The following CAMK1G variants were observed in gnomAD, a reference collection of about 807,000 sequenced individuals.
CAMK1G encodes calcium/calmodulin dependent protein kinase IG.
A neutral mutation model predicts 54.8 loss-of-function variants in CAMK1G; 27 were observed. The ratio of observed to expected loss-of-function variants is 0.49; its 90% CI spans 0.36 to 0.68. The LOEUF (loss-of-function observed/expected upper bound fraction) is 0.68. CAMK1G is among the 30% of genes least tolerant of loss of function. The probability of loss-of-function intolerance (pLI) is 0.00; values close to 1 mark genes in which losing one functional copy is unlikely to be tolerated. For missense variants in CAMK1G, 512 were observed against 591.0 expected, an observed-to-expected ratio of 0.87 and a Z score of 1.39; for synonymous variants, 238 against 224.9, an observed-to-expected ratio of 1.06 and a Z score of -0.52.
intron 6 of CAMK1G, 102 bp from the exon 7 acceptor site, chr1:209,607,756 A>G (rs1665686805): frequency 1.0e-5 from 9 of 881,470 alleles, no homozygotes; most frequent in Non-Finnish European, 1.4e-5. Flanking sequence ...CCACCATCCC[A>G]CAGTCTTCCC....
In CAMK1G at chr1:209,603,252, A is replaced by G; in HGVS notation, c.260A>G (p.Tyr87Cys). 1 of 1,614,152 alleles carries G rather than the reference A, an allele frequency of 6.2e-7. No homozygotes were observed. The highest frequency in any genetic ancestry group is 1.1e-5 in the South Asian group (1 of 91,082). The part of the protein sequence containing the change: ...HENIVTLEDI[Y>C]ESTTHYYLVM... ...AACATTGTGACCCTGGAGGACATCT[A>G]TGAGAGCACCACCCACTACTACCTG... is the stretch of plus-strand genomic sequence containing the variant. Residue 87 changes from tyrosine (Y) to cysteine (C), a missense_variant, in exon 4 of 13, where the codon TAT (tyrosine) becomes TGT (cysteine). This residue lies in a region of CAMK1G where 186 missense variants were observed against 231.5 expected (regional missense o/e 0.80). Transcript: ENST00000361322.
intron 3 of CAMK1G, among the ~76,000 whole-genome samples, chr1:209,602,038 A>G (rs1489511929): frequency 6.6e-6 from 1 of 152,214 alleles, no homozygotes; most frequent in Middle Eastern, 3.2e-3. Context: ...AGGCAGGCAC[A>G]GCATTGCTGC....
At chr1:209,609,965 C>T in intron 9 of CAMK1G, 36 bp downstream of exon 9, 1 of 1,527,976 alleles carries the variant, frequency 6.5e-7, no homozygotes, top group Non-Finnish European at 9.1e-7. Context: ...AGACCCCAGC[C>T]CTGTAGTTCC....
intron 1 of CAMK1G, among the ~76,000 whole-genome samples, chr1:209,589,023 G>T (rs1665178575): frequency 6.6e-6 from 1 of 152,152 alleles, no homozygotes; most frequent in South Asian, 2.1e-4. Context: ...AAATACAATT[G>T]AGCCGAAGCT....
At chr1:209,612,696 C>A in intron 11 of CAMK1G, 89 bp from the exon 12 acceptor site, 3 of 1,054,522 alleles carry the variant, frequency 2.8e-6, no homozygotes, top group Non-Finnish European at 4.4e-6. Flanking sequence ...GTGGATGCCA[C>A]AGGCACAGAG....
chr1:209,591,986 G>A (rs1384772738), intron 1 of CAMK1G, among the ~76,000 whole-genome samples: 1 of 152,142 alleles, frequency 6.6e-6, no homozygotes. Context: ...GACAGGTCTT[G>A]GGGCAAGGGG....
chr1:209,600,045 A>T lies in CAMK1G; in HGVS notation c.155A>T (p.Lys52Met), dbSNP rs1571779259. The change falls in exon 3 of 13, where the codon AAG (lysine) becomes ATG (methionine). Residue 52 changes from lysine (K) to methionine (M), a missense_variant. Coordinates refer to ENST00000361322, the MANE Select transcript of CAMK1G (RefSeq NM_020439.3). Reference sequence around the variant, plus strand: ...CTGACTGGGAAGCTCTTTGCTCTGAAGTGCATCAAGAAGTCACCTGCCTTC... The same window carrying T: ...CTGACTGGGAAGCTCTTTGCTCTGATGTGCATCAAGAAGTCACCTGCCTTC... Reference protein sequence around the residue: ...QRLTGKLFALKCIKKSPAFRD... With the variant: ...QRLTGKLFALMCIKKSPAFRD... The T allele has an allele frequency of 3.7e-6, 6 of 1,613,914 alleles. No individual in the cohort carries two copies. The highest frequency in any genetic ancestry group is 5.1e-6 in the Non-Finnish European group (6 of 1,179,908).
In CAMK1G at chr1:209,609,108, A is replaced by C. The variant is rs573839493; in HGVS notation, c.748+16A>C. ...TCTGAGTCAGGTAAGGCCAGTAGGCATGAAGGAGAGATAACAGGCTCAAGG... is the reference window on the plus strand; with the variant it reads ...TCTGAGTCAGGTAAGGCCAGTAGGCCTGAAGGAGAGATAACAGGCTCAAGG... On this transcript the variant is annotated intron_variant, in intron 8 of 12. Transcript: ENST00000361322. The C allele has an allele frequency of 6.2e-7, 1 of 1,614,084 alleles. No individual in the cohort carries two copies. The highest frequency in any genetic ancestry group is 2.2e-5 in the East Asian group (1 of 44,892).
In CAMK1G at chr1:209,609,186, C is replaced by T. The variant is rs544683975; in HGVS notation, c.748+94C>T. 3.0e-5 allele frequency: 44 copies of T among 1,480,994 alleles called. No individual in the cohort carries two copies. In the African/African-American group the frequency reaches 5.6e-4, roughly 19 times the overall value. The allele number at this position is 1,480,994 out of a possible 1,614,324, so 91.7% of individuals were successfully genotyped here. On this transcript the variant is annotated intron_variant, in intron 8 of 12. Transcript: ENST00000361322. Reference sequence around the variant, plus strand: ...ACAAAGGATGACAGTCCCGGCTCTTCAAAGTCCCTGGGGATCTTACAGAAC... The same window carrying T: ...ACAAAGGATGACAGTCCCGGCTCTTTAAAGTCCCTGGGGATCTTACAGAAC...
intron 5 of CAMK1G, among the ~76,000 whole-genome samples, chr1:209,606,038 C>A (rs1407899520): frequency 1.3e-5 from 2 of 152,194 alleles, no homozygotes; most frequent in East Asian, 3.9e-4. Context: ...AAGATTGGTT[C>A]TCTCAAAACA....
At chr1:209,612,678 A>G in intron 11 of CAMK1G, 107 bp from the exon 12 acceptor site, 1 of 847,410 alleles carries the variant, frequency 1.2e-6, no homozygotes. Context: ...TCATGAGGGG[A>G]GAGCTGAGTG....
Position 209,605,577 on chromosome 1 carries a change from G to T in CAMK1G, c.338G>T (p.Gly113Val). Residue 113 changes from glycine to valine, a missense_variant, in exon 5 of 13, where the codon GGT becomes GTT. Gly to Val is a moderately radical substitution (Grantham distance 109). Transcript: ENST00000361322. ...CTCTTTGACCGGATCCTGGAGCGGGGTGTCTACACAGAGAAGGATGCCAGT... is the reference window on the plus strand; with the variant it reads ...CTCTTTGACCGGATCCTGGAGCGGGTTGTCTACACAGAGAAGGATGCCAGT... ...GELFDRILER[G>V]VYTEKDASLV... The T allele has an allele frequency of 6.2e-7, 1 of 1,614,080 alleles. No individual in the cohort carries two copies. Among genetic ancestry groups the T allele is most frequent in the Non-Finnish European group, 8.5e-7 (1 of 1,179,982 alleles).
In CAMK1G at chr1:209,611,948, G is replaced by T; in HGVS notation, c.1072G>T (p.Ala358Ser). The T allele has an allele frequency of 6.2e-7, 1 of 1,614,232 alleles. No homozygotes were observed. The highest frequency in any genetic ancestry group is 1.1e-5 in the South Asian group (1 of 91,082). ...PSSPEITITE[A>S]PVLDHSVALP... is the part of the protein sequence containing the mutation. ...CTCCCCTGAGATCACCATCACCGAGGCACCTGTCCTGGACCACAGTGTAGC... is the reference window on the plus strand; with the variant it reads ...CTCCCCTGAGATCACCATCACCGAGTCACCTGTCCTGGACCACAGTGTAGC... The change falls in exon 11 of 13, where the codon GCA becomes TCA. Residue 358 changes from alanine to serine, a missense_variant. Coordinates refer to ENST00000361322, the MANE Select transcript of CAMK1G (RefSeq NM_020439.3).
intron 1 of CAMK1G, among the ~76,000 whole-genome samples, chr1:209,588,103 G>A (rs949704045): frequency 2.6e-5 from 4 of 152,216 alleles, no homozygotes; most frequent in African/African-American, 9.6e-5. Flanking sequence ...ATGCCCCAGA[G>A]TGATTCATGC....
intron 5 of CAMK1G, 73 bp from the exon 6 acceptor site, chr1:209,606,247 T>C (rs1665647132): frequency 6.4e-7 from 1 of 1,569,884 alleles, no homozygotes; most frequent in Admixed American, 1.8e-5. Context: ...TCCTGTGAAA[T>C]TTTGTATCAA....
At position 209,606,337 on chromosome 1, in the gene CAMK1G, C is replaced by T. The variant is rs776517584; in HGVS notation, c.453C>T (p.Tyr151=). ...HRDLKPENLL[Y]LTPEENSKIM... ...TCCTACAGCCCGAAAACCTGCTTTACCTTACCCCTGAAGAGAACTCTAAGA... is the reference window on the plus strand; with the variant it reads ...TCCTACAGCCCGAAAACCTGCTTTATCTTACCCCTGAAGAGAACTCTAAGA... The change falls in exon 6 of 13, where the codon TAC becomes TAT. Residue 151 remains tyrosine (Y), a synonymous_variant. Transcript: ENST00000361322. 6.2e-7 allele frequency: 1 copy of T among 1,613,914 alleles called. No homozygotes were observed. Among genetic ancestry groups the T allele is most frequent in the Non-Finnish European group, 8.5e-7 (1 of 1,179,930 alleles).
chr1:209,593,758 A>G, intron 1 of CAMK1G, among the ~76,000 whole-genome samples: 1 of 95,562 alleles, frequency 1.0e-5, no homozygotes, highest in East Asian at 2.1e-4. Flanking sequence ...CTCTCTTCAC[A>G]TCTCTCTCCC....
intron 1 of CAMK1G, among the ~76,000 whole-genome samples, chr1:209,590,345 T>C (rs1254162846): frequency 6.6e-6 from 1 of 152,098 alleles, no homozygotes; most frequent in Non-Finnish European, 1.5e-5. Flanking sequence ...GCGATCACTC[T>C]GGTTACAGAG....
At position 209,605,529 on chromosome 1, in the gene CAMK1G, C is replaced by T. The variant is rs773962183; in HGVS notation, c.297-7C>T. 3 of 1,613,286 alleles carry T rather than the reference C, an allele frequency of 1.9e-6. No homozygotes were observed. Among genetic ancestry groups the T allele is most frequent in the Non-Finnish European group, 2.5e-6 (3 of 1,179,580 alleles). ...ACTGAATTCCTGTCTTGATCCTATG[C>T]CCACAGTGTTTCTGGTGGGGAGCTC... On this transcript the variant is annotated splice_region_variant and splice_polypyrimidine_tract_variant and intron_variant, in intron 4 of 12. Transcript: ENST00000361322.
Sources: gnomAD v4.1 joint callset for allele counts (sites outside exome capture counted in the v4.1 genomes callset) on GRCh38, gnomAD v4.1.1 for gene constraint, gnomAD v4.1.1 regional missense constraint, MANE v1.5 for transcripts, NCBI Gene and HGNC (gene_info 2026-07-23, HGNC 2026-07-21) for gene names.